The following ZPBP variants were observed in gnomAD, a reference collection of about 807,000 sequenced individuals.
ZPBP encodes zona pellucida-binding protein 1.
In ZPBP, 26 loss-of-function variants were observed where a neutral mutation model predicts 44.8. That is an observed-to-expected ratio of 0.58 (90% confidence interval 0.43 to 0.81). The LOEUF is 0.81. ZPBP is among the 30% of genes least tolerant of loss of function. The pLI is 0.00. For synonymous variants in ZPBP, 174 were observed against 153.2 expected (o/e 1.14, Z -1.00); for missense variants, 409 against 434.0 (o/e 0.94, Z 0.51).
intron 6 of ZPBP, among the ~76,000 whole-genome samples, chr7:50,003,449 T>C (rs1798178976): frequency 6.6e-6 from 1 of 152,196 alleles, no homozygotes; most frequent in Non-Finnish European, 1.5e-5. Flanking sequence ...CACAGCACAG[T>C]GCAGTTGAAG....
At chr7:49,929,797 T>A (rs1380781060) in intron 1 of ZPBP, among the ~76,000 whole-genome samples, 1 of 152,174 alleles carries the variant, frequency 6.6e-6, no homozygotes, top group Non-Finnish European at 1.5e-5. Flanking sequence ...TGAAGTTGTA[T>A]TACATGCAGA....
chr7:50,089,679 A>C lies in ZPBP; in HGVS notation c.158T>G (p.Phe53Cys). 1 of 1,611,856 alleles carries C rather than the reference A, an allele frequency of 6.2e-7. No homozygotes were observed. Among genetic ancestry groups the C allele is most frequent in the South Asian group, 1.1e-5 (1 of 90,730 alleles). ...VGHLVRLPRA[F>C]RLTKDSVKIV... ...TTTCACTGAATCTTTGGTCAAGCGA[A>C]AAGCTCTTGGTAATCGAACCAAGTG... Residue 53 changes from phenylalanine (F) to cysteine (C), a missense_variant, in exon 2 of 8, where the codon TTT (phenylalanine) becomes TGT (cysteine). Physicochemically the swap from Phe to Cys is radical, Grantham distance 205. Coordinates refer to ENST00000046087, the MANE Select transcript of ZPBP (RefSeq NM_007009.3).
At chr7:49,909,861 TG>T (rs1793310633) in intron 1 of ZPBP, among the ~76,000 whole-genome samples, 1 of 152,110 alleles carries the variant, frequency 6.6e-6, no homozygotes, top group Non-Finnish European at 1.5e-5. Context: ...CCCAGCACTT[TG>T]GGAGGTCAAG....
chr7:49,990,210 C>T (rs1394651381), intron 6 of ZPBP, among the ~76,000 whole-genome samples: 1 of 152,150 alleles, frequency 6.6e-6, no homozygotes, highest in Non-Finnish European at 1.5e-5. Context: ...GGATAAATGT[C>T]ATTCTAGTAT....
chr7:49,877,339 G>A (rs548088852), intron 2 of ZPBP, among the ~76,000 whole-genome samples: 6 of 149,138 alleles, frequency 4.0e-5, no homozygotes, highest in Admixed American at 4.0e-4. Flanking sequence ...GCAGACGCCT[G>A]TAATCCCAGC....
intron 6 of ZPBP, among the ~76,000 whole-genome samples, chr7:50,014,712 G>A (rs1399111761): frequency 1.3e-5 from 2 of 151,642 alleles, no homozygotes; most frequent in African/African-American, 2.4e-5. Flanking sequence ...TAATCCACTC[G>A]CCTCAGCCTC....
At chr7:49,959,176 C>T (rs1320578500) in intron 7 of ZPBP, among the ~76,000 whole-genome samples, 1 of 150,720 alleles carries the variant, frequency 6.6e-6, no homozygotes, top group Non-Finnish European at 1.5e-5. Flanking sequence ...TGCTTTTCCT[C>T]TAATATTGGG....
chr7:49,867,277 T>TA (rs1040452491), intron 2 of ZPBP, among the ~76,000 whole-genome samples: 5 of 152,124 alleles, frequency 3.3e-5, no homozygotes, highest in African/African-American at 9.7e-5. Context: ...AAAATATACT[T>TA]AAAGATTTTT....
chr7:49,908,132 C>T lies in ZPBP; in HGVS notation n.412-6917G>A, dbSNP rs185686734. ...CACTGTCTGTCATGTGATGCCAATA[C>T]TAGAGTCAGGCTGGAATTTGGTTTC... On this transcript the variant is annotated intron_variant and non_coding_transcript_variant, in intron 1 of 2. Transcript: ENST00000465922. Among the ~76,000 whole-genome samples, 51 of 152,320 alleles carry T rather than the reference C, an allele frequency of 3.3e-4. No individual in the cohort carries two copies. In the Middle Eastern group the frequency reaches 0.014, roughly 41 times the overall value.
At chr7:49,899,338 T>C (rs902259146) in intron 2 of ZPBP, among the ~76,000 whole-genome samples, 2 of 152,078 alleles carry the variant, frequency 1.3e-5, no homozygotes, top group East Asian at 3.9e-4. Context: ...GCAAAAAAAT[T>C]AAAGTTTAGG....
intron 5 of ZPBP, among the ~76,000 whole-genome samples, chr7:50,023,806 A>T (rs1217975496): frequency 6.6e-6 from 1 of 152,090 alleles, no homozygotes; most frequent in African/African-American, 2.4e-5. Flanking sequence ...AGAAATGGAA[A>T]CTCTAAGAAT....
At chr7:49,842,019 AC>A in the ZPBP span, among the ~76,000 whole-genome samples, 2 of 152,108 alleles carry the variant, frequency 1.3e-5, no homozygotes, top group Non-Finnish European at 2.9e-5. Context: ...GGTGCTCGCC[AC>A]CACGCCCAGC....
chr7:49,934,445 A>G (rs931437892), downstream of ZPBP, among the ~76,000 whole-genome samples: 6 of 67,040 alleles, frequency 8.9e-5, no homozygotes, highest in Non-Finnish European at 1.8e-4. Flanking sequence ...AACAGAGGGT[A>G]TAAAAAAAAA....
downstream of ZPBP, among the ~76,000 whole-genome samples, chr7:49,933,354 A>G (rs1794511816): frequency 6.6e-6 from 1 of 152,226 alleles, no homozygotes. Context: ...CAATTAGAAT[A>G]TTTTTAGCTG....
At chr7:49,960,395 A>G (rs934610070) in intron 7 of ZPBP, among the ~76,000 whole-genome samples, 2 of 152,060 alleles carry the variant, frequency 1.3e-5, no homozygotes, top group African/African-American at 4.8e-5. Context: ...CAGCCTGGGC[A>G]GCAGAGCGAG....
At chr7:50,083,643 G>A (rs1050598237) in intron 2 of ZPBP, among the ~76,000 whole-genome samples, 23 of 151,990 alleles carry the variant, frequency 1.5e-4, no homozygotes, top group African/African-American at 5.1e-4. Context: ...GAGGCCTGGT[G>A]TAGGAACAAA....
rs934536673 is a variant in ZPBP, at chr7:50,045,394, G to A, written c.487+12595C>T. On this transcript the variant is annotated intron_variant, in intron 4 of 7. Transcript: ENST00000046087. ...TGCAGATGACATGATTTTATATTTC[G>A]AAAACCCCATCATCTCAGACCCAAA... Among the ~76,000 whole-genome samples the A allele has an allele frequency of 6.6e-5, 10 of 152,096 alleles. No individual in the cohort carries two copies. In the South Asian group the frequency reaches 8.3e-4, roughly 13 times the overall value.
downstream of ZPBP, among the ~76,000 whole-genome samples, chr7:49,933,049 G>T (rs1383728370): frequency 1.3e-5 from 2 of 152,144 alleles, no homozygotes; most frequent in African/African-American, 4.8e-5. Context: ...TATTAGCAGT[G>T]TGAGAACAGA....
intron 7 of ZPBP, among the ~76,000 whole-genome samples, chr7:49,948,198 TGGTATCCAAG>T (rs1795184765): frequency 6.6e-6 from 1 of 152,194 alleles, no homozygotes; most frequent in African/African-American, 2.4e-5. Flanking sequence ...TCCACAAAGC[TGGTATCCAAG>T]CTAATGCTTG....
Sources: allele counts gnomAD v4.1 joint callset (sites outside exome capture counted in the v4.1 genomes callset), GRCh38; gene constraint gnomAD v4.1.1; transcripts MANE v1.5; gene names NCBI Gene and HGNC (gene_info 2026-07-23, HGNC 2026-07-21).